TK2: variants seen among roughly 807,000 people sequenced by gnomAD.
TK2 encodes thymidine kinase 2, mitochondrial.
A neutral mutation model predicts 41.9 loss-of-function variants in TK2; 35 were observed. The ratio of observed to expected loss-of-function variants is 0.84; its 90% confidence interval spans 0.64 to 1.11. The LOEUF (loss-of-function observed/expected upper bound fraction) is 1.11. Ranked by LOEUF, TK2 falls within the 50% of genes least tolerant of loss-of-function variation. TK2 has a pLI of 0.00. For missense variants in TK2, 320 were observed against 351.1 expected (o/e 0.91, Z 0.71); for synonymous variants, 128 against 129.1 (o/e 0.99, Z 0.06).
intron 5 of TK2, among the ~76,000 whole-genome samples, chr16:66,530,847 G>A (rs1020229237): frequency 1.3e-5 from 2 of 151,832 alleles, no homozygotes; most frequent in Admixed American, 6.6e-5. Flanking sequence ...CCTCCCAAGT[G>A]GCTGGGATTA....
chr16:66,511,033 GGACACAGACA>G lies in TK2; in HGVS notation c.*925_*934del, dbSNP rs1425736252. ...TCCAAGAGCAAAGCTCCTTATACAA[GGACACAGACA>G]GTACGGGAGCCTTGGAAGCCAGGGC... On this transcript the variant is annotated 3_prime_UTR_variant, in exon 10 of 10. Transcript: ENST00000544898. 3.3e-5 allele frequency: 5 copies of G among 152,144 alleles called. No homozygotes were observed. Among genetic ancestry groups the G allele is most frequent in the Non-Finnish European group, 5.9e-5 (4 of 68,046 alleles). 9.4% of individuals were successfully genotyped at this position (152,144 alleles called of 1,614,324 possible).
chr16:66,540,712 TA>T (rs1257137569), intron 3 of TK2, among the ~76,000 whole-genome samples: 1 of 152,230 alleles, frequency 6.6e-6, no homozygotes, highest in Non-Finnish European at 1.5e-5. Flanking sequence ...GAAATTAAAT[TA>T]ATTGCCTATG....
At chr16:66,548,062 G>A (rs565813025) in intron 2 of TK2, 870 of 736,200 alleles carry the variant, frequency 1.2e-3, no homozygotes, top group Non-Finnish European at 1.7e-3. Flanking sequence ...GCAAGACGCC[G>A]TCTCTTAAAT....
rs571395929 is a variant in TK2, at chr16:66,550,063, G to A, written c.-2C>T. ...GCCCCGCAGCGGCCACAGCAGCATAGCCGGGCGAGCGGATCCAGAGGCCCG... is the reference window on the plus strand; with the variant it reads ...GCCCCGCAGCGGCCACAGCAGCATAACCGGGCGAGCGGATCCAGAGGCCCG... On this transcript the variant is annotated 5_prime_UTR_variant, in exon 1 of 10. Coordinates refer to ENST00000544898, the MANE Select transcript of TK2 (RefSeq NM_004614.5). The A allele has an allele frequency of 3.2e-6, 5 of 1,585,368 alleles. No individual in the cohort carries two copies. The African/African-American group carries it at 4.0e-5, about 13-fold the overall frequency.
Position 66,531,467 on chromosome 16 carries a change from G to A in TK2, c.288C>T (p.Gly96=), listed in dbSNP as rs886052211. ...WRNVRGHNPL[G]LMYHDASRWG... The stretch of plus-strand genomic sequence containing the variant: ...AGCGAGAGGCATCGTGGTACATCAG[G>A]CCCTGCAGAAGGGAAAACACAGCAC... The change falls in exon 5 of 10, where the codon GGC becomes GGT. Residue 96 remains glycine (G), a splice_region_variant and synonymous_variant. Transcript: ENST00000544898. 6.2e-7 allele frequency: 1 copy of A among 1,614,092 alleles called. No homozygotes were observed.
chr16:66,547,757 G>A (rs1290131451), intron 2 of TK2, among the ~76,000 whole-genome samples: 2 of 152,106 alleles, frequency 1.3e-5, no homozygotes, highest in Non-Finnish European at 2.9e-5. Flanking sequence ...CAGGTGCCCA[G>A]GTCCTAGCCC....
At chr16:66,549,821 G>C in intron 1 of TK2, 117 bp downstream of exon 1, 1 of 1,287,070 alleles carries the variant, frequency 7.8e-7, no homozygotes, top group Non-Finnish European at 9.8e-7. Flanking sequence ...CAGCCGGGGA[G>C]GAAATCCCGC....
chr16:66,523,500 G>A (rs1356604548), intron 6 of TK2, among the ~76,000 whole-genome samples: 1 of 152,206 alleles, frequency 6.6e-6, no homozygotes, highest in Non-Finnish European at 1.5e-5. Context: ...GACAATGACA[G>A]TAATCTGCAT....
In TK2 at chr16:66,517,259, C is replaced by T. The variant is rs763214359; in HGVS notation, c.539-44G>A. ...GTGGCTCTCAGGACTCTGCTCATGGCTTGGAAGCAAAGCAGGCACACAGGC... is the reference window on the plus strand; with the variant it reads ...GTGGCTCTCAGGACTCTGCTCATGGTTTGGAAGCAAAGCAGGCACACAGGC... On this transcript the variant is annotated intron_variant, in intron 7 of 9. Coordinates refer to ENST00000544898, the MANE Select transcript of TK2 (RefSeq NM_004614.5). The surrounding 1 kb of genome is among the most constrained non-coding windows in gnomAD (Gnocchi z 4.3). 4 of 1,565,016 alleles carry T rather than the reference C, an allele frequency of 2.6e-6. No homozygotes were observed. The highest frequency in any genetic ancestry group is 1.1e-5 in the South Asian group (1 of 90,042).
intron 2 of TK2, chr16:66,548,211 G>A: frequency 2.6e-6 from 1 of 379,110 alleles, no homozygotes; most frequent in Non-Finnish European, 5.4e-6. Context: ...TCCTCTCTAT[G>A]TGGTTTCACT....
chr16:66,524,288 G>A (rs926531436), intron 6 of TK2, among the ~76,000 whole-genome samples: 1 of 152,160 alleles, frequency 6.6e-6, no homozygotes, highest in Non-Finnish European at 1.5e-5. Flanking sequence ...GAAAAGGGTC[G>A]TGGCATTGGG....
intron 3 of TK2, among the ~76,000 whole-genome samples, chr16:66,537,765 A>G (rs1225546121): frequency 3.9e-5 from 6 of 152,202 alleles, no homozygotes; most frequent in Admixed American, 3.9e-4. Flanking sequence ...TGGGGCCAAG[A>G]TCTTCAGAGT....
chr16:66,515,277 C>T (rs1220008664), intron 8 of TK2, among the ~76,000 whole-genome samples: 2 of 152,224 alleles, frequency 1.3e-5, no homozygotes, highest in African/African-American at 4.8e-5. Flanking sequence ...CCTGGGCAGC[C>T]TCTAAACCCT....
At chr16:66,538,659 G>T (rs1433868039) in intron 3 of TK2, among the ~76,000 whole-genome samples, 1 of 152,190 alleles carries the variant, frequency 6.6e-6, no homozygotes, top group African/African-American at 2.4e-5. Context: ...GGTAATCACA[G>T]AAGCCAACAT....
In TK2 at chr16:66,517,773, G is replaced by C. The variant is rs1371035108; in HGVS notation, c.538+16C>G. On this transcript the variant is annotated intron_variant, in intron 7 of 9. Coordinates refer to ENST00000544898, the MANE Select transcript of TK2 (RefSeq NM_004614.5). The surrounding 1 kb of genome is among the most constrained non-coding windows in gnomAD (Gnocchi z 4.3). ...GGAGAGAGACAAGAGAGGGAGGTGG[G>C]AGGGGTGCATCTCACCTATCAAATC... 1.9e-6 allele frequency: 3 copies of C among 1,612,362 alleles called. No individual in the cohort carries two copies.
In TK2 at chr16:66,510,975, T is replaced by G. The variant is rs1192372557; in HGVS notation, c.*993A>C. On this transcript the variant is annotated 3_prime_UTR_variant, in exon 10 of 10. Coordinates refer to ENST00000544898, the MANE Select transcript of TK2 (RefSeq NM_004614.5). Reference sequence around the variant, plus strand: ...CTTCAAAAAGACTTAAGGCCACTTGTGTCTCTCTCTTGGGCCACAGACTTT... The same window carrying G: ...CTTCAAAAAGACTTAAGGCCACTTGGGTCTCTCTCTTGGGCCACAGACTTT... 1 of 152,224 alleles carries G rather than the reference T, an allele frequency of 6.6e-6. No homozygotes were observed. Among genetic ancestry groups the G allele is most frequent in the Non-Finnish European group, 1.5e-5 (1 of 68,056 alleles). 9.4% of individuals were successfully genotyped at this position (152,224 alleles called of 1,614,324 possible).
intron 4 of TK2, among the ~76,000 whole-genome samples, chr16:66,535,821 T>C (rs572310426): frequency 6.6e-6 from 1 of 152,252 alleles, no homozygotes; most frequent in South Asian, 2.1e-4. Context: ...TTTTAGCAAA[T>C]AACAATGAAC....
At chr16:66,534,572 C>A (rs1217261144) in intron 4 of TK2, among the ~76,000 whole-genome samples, 1 of 152,268 alleles carries the variant, frequency 6.6e-6, no homozygotes, top group Admixed American at 6.5e-5. Flanking sequence ...GCTTACTTAG[C>A]ATTCCTCAAA....
At chr16:66,536,258 C>G (rs1965276884) in intron 4 of TK2, among the ~76,000 whole-genome samples, 1 of 151,620 alleles carries the variant, frequency 6.6e-6, no homozygotes. Context: ...CATTTACTAG[C>G]TGTGTGACCT....
Sources: gnomAD v4.1 joint callset for allele counts (sites outside exome capture counted in the v4.1 genomes callset) on GRCh38, gnomAD v4.1.1 for gene constraint, Gnocchi (gnomAD v3.1) non-coding constraint, MANE v1.5 for transcripts, NCBI Gene and HGNC (gene_info 2026-07-23, HGNC 2026-07-21) for gene names.